ATP6V1H: variants seen among roughly 807,000 people sequenced by gnomAD.
The protein encoded by ATP6V1H is ATPase H+ transporting V1 subunit H.
A neutral mutation model predicts 71.7 loss-of-function variants in ATP6V1H; 39 were observed. The ratio of observed to expected loss-of-function variants is 0.54; its 90% CI spans 0.42 to 0.71. The LOEUF (loss-of-function observed/expected upper bound fraction) is 0.71. Among genes scored for constraint, ATP6V1H ranks in the 30% least tolerant of loss-of-function variants. The pLI, the probability that ATP6V1H is intolerant of heterozygous loss-of-function variation, is 0.00. For missense variants in ATP6V1H, 509 were observed against 594.9 expected, an observed-to-expected ratio of 0.86 and a Z score of 1.50; for synonymous variants, 192 against 199.3, an observed-to-expected ratio of 0.96 and a Z score of 0.31.
intron 13 of ATP6V1H, among the ~76,000 whole-genome samples, chr8:53,718,624 T>C (rs1314751480): frequency 2.0e-5 from 3 of 152,080 alleles, no homozygotes; most frequent in Non-Finnish European, 4.4e-5. Flanking sequence ...TCCTGGGCTT[T>C]AGTGATATGC....
chr8:53,825,682 T>TC (rs1810804955), intron 4 of ATP6V1H, among the ~76,000 whole-genome samples: 1 of 152,110 alleles, frequency 6.6e-6, no homozygotes, highest in African/African-American at 2.4e-5. Context: ...TAAATGGTGC[T>TC]AGAACAACTG....
chr8:53,761,476 T>G (rs1808272910), intron 11 of ATP6V1H, among the ~76,000 whole-genome samples: 1 of 152,186 alleles, frequency 6.6e-6, no homozygotes, highest in Non-Finnish European at 1.5e-5. Context: ...AAAGTACCCT[T>G]TTCAAAAGTC....
In ATP6V1H at chr8:53,766,394, C is replaced by G. The variant is rs185006368; in HGVS notation, c.1175+3224G>C. ...CAGTTGAGGAGGATGTATATCGTCT[C>G]AGGACCCTGTAATAATTACGTTAAC... On this transcript the variant is annotated intron_variant, in intron 11 of 13. Coordinates refer to ENST00000359530, the MANE Select transcript of ATP6V1H (RefSeq NM_015941.4). Among the ~76,000 whole-genome samples the G allele has an allele frequency of 4.3e-4, 65 of 152,274 alleles. 1 individual carries two copies. The East Asian group carries it at 6.9e-3, about 16-fold the overall frequency.
chr8:53,804,161 C>T (rs923727152), intron 7 of ATP6V1H, among the ~76,000 whole-genome samples: 2 of 152,182 alleles, frequency 1.3e-5, no homozygotes, highest in Non-Finnish European at 2.9e-5. Flanking sequence ...CCAGAGATTA[C>T]TTTCATAGTA....
chr8:53,819,743 G>A (rs1810587425), intron 4 of ATP6V1H, among the ~76,000 whole-genome samples: 2 of 138,854 alleles, frequency 1.4e-5, no homozygotes, highest in Non-Finnish European at 1.5e-5. Flanking sequence ...AGTATATAGT[G>A]TGTGTATATA....
intron 1 of ATP6V1H, chr8:53,842,660 G>A (rs1462750052): frequency 6.6e-6 from 1 of 152,306 alleles, no homozygotes; most frequent in Non-Finnish European, 1.5e-5. Context: ...CTGCAGCCAA[G>A]GAGGCTCAGC....
intron 11 of ATP6V1H, among the ~76,000 whole-genome samples, chr8:53,767,664 T>C (rs1275218144): frequency 2.6e-5 from 4 of 152,186 alleles, no homozygotes; most frequent in East Asian, 1.9e-4. Flanking sequence ...AATAAACCCA[T>C]GTCTATAGTC....
chr8:53,824,753 G>T (rs552063004), intron 4 of ATP6V1H, among the ~76,000 whole-genome samples: 2 of 151,970 alleles, frequency 1.3e-5, no homozygotes, highest in East Asian at 3.9e-4. Flanking sequence ...TTAAAAAAGT[G>T]AAATTATCTG....
chr8:53,744,772 G>A (rs1807542635), intron 12 of ATP6V1H, among the ~76,000 whole-genome samples: 1 of 152,172 alleles, frequency 6.6e-6, no homozygotes, highest in Non-Finnish European at 1.5e-5. Flanking sequence ...CATTAACTGA[G>A]TGCTTACTGC....
chr8:53,800,194 C>A (rs1196725295), intron 8 of ATP6V1H, among the ~76,000 whole-genome samples: 1 of 152,140 alleles, frequency 6.6e-6, no homozygotes, highest in Non-Finnish European at 1.5e-5. Context: ...CATAAGGGAG[C>A]CTGCACGTGG....
chr8:53,767,496 G>A (rs1224597800), intron 11 of ATP6V1H, among the ~76,000 whole-genome samples: 1 of 152,074 alleles, frequency 6.6e-6, no homozygotes, highest in East Asian at 1.9e-4. Flanking sequence ...CTACCAATTA[G>A]AGACTCATTA....
At chr8:53,813,456 A>G (rs937443293) in intron 6 of ATP6V1H, among the ~76,000 whole-genome samples, 11 of 152,212 alleles carry the variant, frequency 7.2e-5, no homozygotes, top group Non-Finnish European at 1.3e-4. Flanking sequence ...TTTCAAATAG[A>G]CATTCATTTG....
Position 53,775,183 on chromosome 8 carries a change from C to T in ATP6V1H, c.871-3016G>A, listed in dbSNP as rs535553964. Among the ~76,000 whole-genome samples the T allele has an allele frequency of 2.2e-3, 337 of 151,930 alleles. 2 individuals are homozygous for T. Among genetic ancestry groups the T allele is most frequent in the African/African-American group, 7.9e-3 (326 of 41,428 alleles). On this transcript the variant is annotated intron_variant, in intron 9 of 13. Transcript: ENST00000359530. ...GTGAGTGTTACGGCTCTTAAGGCGG[C>T]GCATGTGGAGTTGTTCGTTCCTCCC...
intron 9 of ATP6V1H, among the ~76,000 whole-genome samples, chr8:53,782,333 C>T (rs1276347873): frequency 6.7e-6 from 1 of 149,850 alleles, no homozygotes; most frequent in Non-Finnish European, 1.5e-5. Context: ...CATGATTTGG[C>T]TCTCTGTTTG....
intron 2 of ATP6V1H, among the ~76,000 whole-genome samples, chr8:53,836,800 CAT>C (rs367924855): frequency 1.9e-4 from 29 of 152,170 alleles, no homozygotes; most frequent in Middle Eastern, 3.2e-3. Flanking sequence ...TAATCATGCA[CAT>C]GTTACTTAAC....
chr8:53,775,092 G>A (rs531441055), intron 9 of ATP6V1H, among the ~76,000 whole-genome samples: 8 of 152,168 alleles, frequency 5.3e-5, no homozygotes, highest in South Asian at 2.1e-4. Flanking sequence ...AGATGTGTTC[G>A]GAGTTTCTTC....
rs183831519 is a variant in ATP6V1H, at chr8:53,801,675, G to A, written c.677+124C>T. 5 of 783,058 alleles carry A rather than the reference G, an allele frequency of 6.4e-6. No individual in the cohort carries two copies. The Admixed American group carries it at 1.2e-4, about 18-fold the overall frequency. The allele number at this position is 783,058 out of a possible 1,614,324, so 48.5% of individuals were successfully genotyped here. On this transcript the variant is annotated intron_variant, in intron 8 of 13. Transcript: ENST00000359530. The stretch of plus-strand genomic sequence containing the variant: ...ACTAACTTCTAAAAAGCTTAGCATA[G>A]TCAATTGTTAAACAGATATGAAAAA...
At chr8:53,800,846 T>G (rs1809888390) in intron 8 of ATP6V1H, among the ~76,000 whole-genome samples, 1 of 152,216 alleles carries the variant, frequency 6.6e-6, no homozygotes, top group Admixed American at 6.5e-5. Context: ...ACAAAATGAC[T>G]AAAAATATAT....
At chr8:53,798,109 A>T (rs1173983050) in intron 8 of ATP6V1H, among the ~76,000 whole-genome samples, 13 of 152,198 alleles carry the variant, frequency 8.5e-5, no homozygotes, top group Admixed American at 8.5e-4. Flanking sequence ...ATATAATGTA[A>T]ATTTTTCTAT....
Sources: allele counts gnomAD v4.1 joint callset (sites outside exome capture counted in the v4.1 genomes callset), GRCh38; gene constraint gnomAD v4.1.1; transcripts MANE v1.5; gene names NCBI Gene and HGNC (gene_info 2026-07-23, HGNC 2026-07-21).